The following KIF2A variants were observed in gnomAD, a reference collection of about 807,000 sequenced individuals.
KIF2A encodes the protein kinesin-like protein KIF2A.
Under a neutral mutation model 100.2 loss-of-function variants are expected in KIF2A, and 22 were observed. That is an observed-to-expected ratio of 0.22 (90% CI 0.16 to 0.31). The LOEUF (loss-of-function observed/expected upper bound fraction) is 0.31, where lower values mean the gene tolerates loss of function less well. KIF2A is among the 10% of genes least tolerant of loss of function. KIF2A has a pLI of 1.00. For missense variants in KIF2A, 495 were observed against 898.7 expected (o/e 0.55, Z 5.74); for synonymous variants, 268 against 285.9 (o/e 0.94, Z 0.63).
At chr5:62,313,455 C>T (rs952383852) in intron 1 of KIF2A, among the ~76,000 whole-genome samples, 4 of 151,924 alleles carry the variant, frequency 2.6e-5, no homozygotes, top group Non-Finnish European at 4.4e-5. Context: ...TGGGTTCAAG[C>T]GATTCTCCTG....
At chr5:62,312,123 A>G (rs919842456) in intron 1 of KIF2A, among the ~76,000 whole-genome samples, 1 of 151,396 alleles carries the variant, frequency 6.6e-6, no homozygotes, top group African/African-American at 2.4e-5. Context: ...CACTACTACC[A>G]AAGAAGCTCA....
intron 1 of KIF2A, among the ~76,000 whole-genome samples, chr5:62,314,739 A>C (rs1393841747): frequency 6.9e-6 from 1 of 145,444 alleles, no homozygotes; most frequent in African/African-American, 2.5e-5. Context: ...GAGTGTCTAT[A>C]CTGTGCTGAG....
At position 62,362,460 on chromosome 5, in the gene KIF2A, C is replaced by G; in HGVS notation, c.1038C>G (p.Val346=). 7.0e-7 allele frequency: 1 copy of G among 1,434,914 alleles called. No homozygotes were observed. Among genetic ancestry groups the G allele is most frequent in the Non-Finnish European group, 9.1e-7 (1 of 1,093,280 alleles). 88.9% of individuals were successfully genotyped at this position (1,434,914 alleles called of 1,614,324 possible). The change falls in exon 12 of 21, where the codon GTC becomes GTG. Residue 346 remains valine, a synonymous_variant. Transcript: ENST00000407818. ...KGIYALAARD[V]FLMLKKPNYK... ...TGAAATTTTTGACAGCTCGAGATGT[C>G]TTTTTAATGCTAAAGAAGCCAAACT...
chr5:62,323,678 AAATT>A (rs1220142345), intron 1 of KIF2A, among the ~76,000 whole-genome samples: 4 of 152,218 alleles, frequency 2.6e-5, no homozygotes, highest in Non-Finnish European at 5.9e-5. Flanking sequence ...CATATATTGA[AAATT>A]AGTGAAGCTG....
At chr5:62,348,791 G>T (rs998879435) in intron 3 of KIF2A, among the ~76,000 whole-genome samples, 4 of 152,120 alleles carry the variant, frequency 2.6e-5, no homozygotes, top group Non-Finnish European at 5.9e-5. Flanking sequence ...GTATTGCAAA[G>T]TTGTTGAATC....
chr5:62,359,555 A>AT (rs1281052620), intron 9 of KIF2A, among the ~76,000 whole-genome samples: 2 of 151,026 alleles, frequency 1.3e-5, no homozygotes, highest in Non-Finnish European at 3.0e-5. Context: ...TAATTGTAGA[A>AT]TTTTTTTTTA....
chr5:62,376,091 G>T (rs963300654), intron 18 of KIF2A, among the ~76,000 whole-genome samples: 2 of 152,170 alleles, frequency 1.3e-5, no homozygotes, highest in Non-Finnish European at 2.9e-5. Flanking sequence ...AGCAAGATAA[G>T]TACTCCCTAT....
At chr5:62,308,134 A>G (rs770427042) in intron 1 of KIF2A, among the ~76,000 whole-genome samples, 1 of 152,204 alleles carries the variant, frequency 6.6e-6, no homozygotes, top group Non-Finnish European at 1.5e-5. Context: ...TGTGGTAACA[A>G]CTGAAACCAT....
chr5:62,339,650 G>C (rs1747179719), intron 1 of KIF2A, among the ~76,000 whole-genome samples: 1 of 150,720 alleles, frequency 6.6e-6, no homozygotes, highest in African/African-American at 2.4e-5. Context: ...TCAAATGTCT[G>C]ATAGTAGAAT....
intron 16 of KIF2A, 151 bp from the exon 17 acceptor site, chr5:62,372,287 G>C: frequency 1.7e-6 from 1 of 601,232 alleles, no homozygotes; most frequent in East Asian, 2.9e-5. Context: ...CTTAAAATTT[G>C]TTATTTGTAA....
chr5:62,383,607 G>T (rs1158119750), intron 20 of KIF2A, among the ~76,000 whole-genome samples: 1 of 152,126 alleles, frequency 6.6e-6, no homozygotes, highest in South Asian at 2.1e-4. Flanking sequence ...TATGAAGTTG[G>T]TTATTTGAAA....
chr5:62,353,409 C>T, intron 6 of KIF2A, 34 bp downstream of exon 6: 1 of 1,089,856 alleles, frequency 9.2e-7, no homozygotes, highest in Non-Finnish European at 1.3e-6. Flanking sequence ...TGTTTATGTA[C>T]CAACCAGAGA....
chr5:62,326,150 A>G (rs1352210637), intron 1 of KIF2A, among the ~76,000 whole-genome samples: 1 of 152,218 alleles, frequency 6.6e-6, no homozygotes, highest in Non-Finnish European at 1.5e-5. Context: ...GCCTCTGCAG[A>G]CCAAATATTT....
chr5:62,369,709 C>T (rs1296911922), intron 16 of KIF2A, among the ~76,000 whole-genome samples: 1 of 151,382 alleles, frequency 6.6e-6, no homozygotes, highest in Admixed American at 6.6e-5. Context: ...TAATTCATTC[C>T]TCCTTTATAC....
intron 3 of KIF2A, among the ~76,000 whole-genome samples, chr5:62,349,807 G>A (rs1399455589): frequency 1.3e-5 from 2 of 152,094 alleles, no homozygotes; most frequent in Non-Finnish European, 2.9e-5. Context: ...TGACCTCATA[G>A]GTTGTTGTGA....
At chr5:62,379,659 G>GAAAAAAA (rs34005703) in intron 19 of KIF2A, among the ~76,000 whole-genome samples, 1 of 133,976 alleles carries the variant, frequency 7.5e-6, no homozygotes. Flanking sequence ...TGAAACTCAG[G>GAAAAAAA]AAAAAAAAAA....
intron 20 of KIF2A, among the ~76,000 whole-genome samples, chr5:62,384,828 A>G (rs1450526138): frequency 6.6e-6 from 1 of 152,174 alleles, no homozygotes; most frequent in East Asian, 1.9e-4. Flanking sequence ...TATATTTTAC[A>G]TGTTCATAGC....
In KIF2A at chr5:62,306,480, C is replaced by A. The variant is rs367659703; in HGVS notation, c.8C>A (p.Thr3Lys). ...GCTGCTCCAGATGAGGTGATGGCAA[C>A]GGCCAACTTCGGCAAGATCCAGATC... MA[T>K]ANFGKIQIGI... The change falls in exon 1 of 21, where the codon ACG becomes AAG. Residue 3 changes from threonine to lysine, a missense_variant. Around this residue, in one of 10 missense-constraint regions of KIF2A, gnomAD observed 26 missense variants for 16.4 expected, o/e 1.59. Coordinates refer to ENST00000407818, the MANE Select transcript of KIF2A (RefSeq NM_001098511.3). The A allele has an allele frequency of 6.5e-6, 10 of 1,544,600 alleles. No homozygotes were observed. Among genetic ancestry groups the A allele is most frequent in the Non-Finnish European group, 8.7e-6 (10 of 1,144,328 alleles).
At chr5:62,347,081 A>T in intron 1 of KIF2A, 49 bp from the exon 2 acceptor site, 1 of 976,494 alleles carries the variant, frequency 1.0e-6, no homozygotes, top group South Asian at 1.5e-5. Flanking sequence ...GTGTTTAGGA[A>T]TGCCATAATT....
Sources: allele counts gnomAD v4.1 joint callset (sites outside exome capture counted in the v4.1 genomes callset), GRCh38; gene constraint gnomAD v4.1.1; regional missense constraint gnomAD v4.1.1; transcripts MANE v1.5; gene names NCBI Gene and HGNC (gene_info 2026-07-23, HGNC 2026-07-21).